Variants in MYCBP2 observed in about 807,000 individuals in gnomAD.
MYCBP2 encodes the protein E3 ubiquitin-protein ligase MYCBP2.
MYCBP2 carries 120 observed loss-of-function variants against 525.3 expected under a neutral mutation model. The observed-to-expected ratio is 0.23, with a 90% CI of 0.20 to 0.27. MYCBP2 has a LOEUF of 0.27. Among genes scored for constraint, MYCBP2 ranks in the 10% least tolerant of loss-of-function variants. MYCBP2 has a pLI of 1.00. For synonymous variants in MYCBP2, 1,894 were observed against 1,955.8 expected (o/e 0.97, Z 0.83); for missense variants, 4,149 against 5,657.1 (o/e 0.73, Z 8.55).
At chr13:77,072,518 T>G (rs2041555725) in intron 68 of MYCBP2, among the ~76,000 whole-genome samples, 1 of 151,924 alleles carries the variant, frequency 6.6e-6, no homozygotes, top group Admixed American at 6.6e-5. Flanking sequence ...GATGAACAAA[T>G]GAATACAAGG....
In MYCBP2 at chr13:77,058,223, T is replaced by C; in HGVS notation, c.13324A>G (p.Ile4442Val). 1.9e-6 allele frequency: 3 copies of C among 1,612,830 alleles called. No individual in the cohort carries two copies. The highest frequency in any genetic ancestry group is 2.5e-6 in the Non-Finnish European group (3 of 1,179,442). Residue 4442 changes from isoleucine to valine, a missense_variant, in exon 78 of 83, where the codon ATT (isoleucine) becomes GTT (valine). Ile to Val is a conservative substitution (Grantham distance 29). Coordinates refer to ENST00000544440, the MANE Select transcript of MYCBP2 (RefSeq NM_015057.5). The surrounding 1 kb of genome is among the most constrained non-coding windows in gnomAD (Gnocchi z 4.1). ...FTEALSAAPA[I>V]QLDCSHIFHL... ...ACTTTAAAAGCTGAGGCAACCTGAA[T>C]GGCTGGTGCTGCCGAGAGCGCTTCG... is the stretch of plus-strand genomic sequence containing the variant.
At chr13:77,082,022 G>C in intron 63 of MYCBP2, 29 bp from the exon 64 acceptor site, 1 of 1,594,132 alleles carries the variant, frequency 6.3e-7, no homozygotes, top group Non-Finnish European at 8.5e-7. Flanking sequence ...AGCAATATAC[G>C]AAATAATTAT....
chr13:77,216,596 T>G (rs1366422038), intron 21 of MYCBP2, among the ~76,000 whole-genome samples: 1 of 152,126 alleles, frequency 6.6e-6, no homozygotes, highest in Non-Finnish European at 1.5e-5. Context: ...ACTTACAGAG[T>G]ATCTTGGCCT....
chr13:77,176,706 T>C, intron 35 of MYCBP2, 78 bp from the exon 36 acceptor site: 6 of 1,122,286 alleles, frequency 5.3e-6, no homozygotes, highest in South Asian at 3.1e-5. Context: ...TTTATAATTA[T>C]TATTTTTAAA....
rs190679477 is a variant in MYCBP2 at position 77,197,845 on chromosome 13, T to C, written c.3844-3601A>G. On this transcript the variant is annotated intron_variant, in intron 26 of 82. Transcript: ENST00000544440. The stretch of plus-strand genomic sequence containing the variant: ...AGGCCTTAGCCCACTCACTGGATAA[T>C]TGAATACAAAAGGCAAGATCATTTC... Among the ~76,000 whole-genome samples, 714 of 152,258 alleles carry C rather than the reference T, an allele frequency of 4.7e-3. 3 individuals carry two copies. Among genetic ancestry groups the C allele is most frequent in the African/African-American group, 0.015 (625 of 41,556 alleles).
At position 77,144,458 on chromosome 13, in the gene MYCBP2, A is replaced by G; in HGVS notation, c.7290T>C (p.Asp2430=). 6.2e-7 allele frequency: 1 copy of G among 1,611,200 alleles called. No homozygotes were observed. The highest frequency in any genetic ancestry group is 1.1e-5 in the South Asian group (1 of 90,982). Residue 2430 remains aspartate, a synonymous_variant, in exon 49 of 83, where the codon GAT becomes GAC. Transcript: ENST00000544440. ...TAAAGAAAATACCGATTTCAATGCC[A>G]TCAATGGTAACATGAAGAGTGTAGA... ...IGLYTLHVTI[D]GIEIDAGLEV...
At chr13:77,140,421 T>C (rs2054429765) in intron 50 of MYCBP2, among the ~76,000 whole-genome samples, 1 of 152,218 alleles carries the variant, frequency 6.6e-6, no homozygotes, top group South Asian at 2.1e-4. Flanking sequence ...ATACTGAAGA[T>C]ACGTGTTAAG....
rs545691878 is a variant in MYCBP2, at chr13:77,172,761, A to G, written c.5652-1127T>C. On this transcript the variant is annotated intron_variant, in intron 37 of 82. Transcript: ENST00000544440. ...GAAGGGAGATGAATATTCTAGCCACATGAAACCTCAGATGTCTACTAGCCA... is the reference window on the plus strand; with the variant it reads ...GAAGGGAGATGAATATTCTAGCCACGTGAAACCTCAGATGTCTACTAGCCA... Among the ~76,000 whole-genome samples, 4 of 152,358 alleles carry G rather than the reference A, an allele frequency of 2.6e-5. No individual in the cohort carries two copies. The South Asian group carries it at 8.3e-4, about 32-fold the overall frequency.
chr13:77,217,990 C>A, intron 20 of MYCBP2, 33 bp from the exon 21 acceptor site: 2 of 1,407,966 alleles, frequency 1.4e-6, no homozygotes, highest in South Asian at 1.3e-5. Flanking sequence ...AAGTCAATTT[C>A]TTACAAAACT....
chr13:77,150,932 G>A lies in MYCBP2; in HGVS notation c.6933C>T (p.Val2311=). The change falls in exon 47 of 83, where the codon GTC becomes GTT. Residue 2311 remains valine, a synonymous_variant. Transcript: ENST00000544440. ...AAGACATTTTTTTCTGAGAAACAGG[G>A]ACAGCTTTCACTTCCACCTAAACAT... ...VPNMKVEVKA[V]PVSQKKMSLQ... is the part of the protein sequence containing the mutation. 1 of 1,613,886 alleles carries A rather than the reference G, an allele frequency of 6.2e-7. No individual in the cohort carries two copies. Among genetic ancestry groups the A allele is most frequent in the Middle Eastern group, 1.6e-4 (1 of 6,062 alleles).
chr13:77,064,510 A>T, intron 73 of MYCBP2, 105 bp downstream of exon 73: 1 of 1,266,802 alleles, frequency 7.9e-7, no homozygotes, highest in Non-Finnish European at 1.1e-6. Context: ...TTAAAAAATA[A>T]TTATGTTGAC....
At chr13:77,235,291 C>G (rs2067744367) in intron 17 of MYCBP2, among the ~76,000 whole-genome samples, 1 of 151,888 alleles carries the variant, frequency 6.6e-6, no homozygotes, top group African/African-American at 2.4e-5. Context: ...ACTAAATAAA[C>G]TCAGGACAAT....
intron 65 of MYCBP2, chr13:77,080,615 T>C (rs1007818822): frequency 3.3e-5 from 5 of 152,148 alleles, no homozygotes; most frequent in African/African-American, 9.7e-5. Flanking sequence ...CTGAAACTTA[T>C]TTTTTATTTC....
intron 40 of MYCBP2, 143 bp from the exon 41 acceptor site, chr13:77,166,697 T>G (rs2058555279): frequency 1.0e-5 from 5 of 480,954 alleles, no homozygotes; most frequent in Admixed American, 3.8e-5. Context: ...GAATAAAATG[T>G]TACCTATGAC....
intron 26 of MYCBP2, among the ~76,000 whole-genome samples, chr13:77,202,319 A>G (rs1389483834): frequency 6.6e-6 from 1 of 152,244 alleles, no homozygotes; most frequent in Non-Finnish European, 1.5e-5. Context: ...TCCTGGACAC[A>G]TACACTCTCC....
intron 23 of MYCBP2, among the ~76,000 whole-genome samples, chr13:77,207,555 C>G (rs2063491802): frequency 6.6e-6 from 1 of 152,092 alleles, no homozygotes; most frequent in Non-Finnish European, 1.5e-5. Flanking sequence ...CACTAAACAC[C>G]ACTGACTGCA....
intron 82 of MYCBP2, among the ~76,000 whole-genome samples, chr13:77,047,139 C>T (rs2035733564): frequency 6.6e-6 from 1 of 152,148 alleles, no homozygotes; most frequent in African/African-American, 2.4e-5. Flanking sequence ...GTTCACAATC[C>T]AACATGGTGG....
intron 78 of MYCBP2, 36 bp from the exon 79 acceptor site, chr13:77,057,129 T>C: frequency 7.1e-7 from 1 of 1,411,342 alleles, no homozygotes; most frequent in Non-Finnish European, 1.0e-6. Context: ...TAAGCAAATA[T>C]AATAATGATA....
chr13:77,242,581 A>G (rs1232835371), intron 17 of MYCBP2, among the ~76,000 whole-genome samples: 1 of 152,248 alleles, frequency 6.6e-6, no homozygotes, highest in Non-Finnish European at 1.5e-5. Context: ...AAGCATAGTT[A>G]TGTGCTGAAC....
Sources: gnomAD v4.1 joint callset for allele counts (sites outside exome capture counted in the v4.1 genomes callset) on GRCh38, gnomAD v4.1.1 for gene constraint, Gnocchi (gnomAD v3.1) non-coding constraint, MANE v1.5 for transcripts, NCBI Gene and HGNC (gene_info 2026-07-23, HGNC 2026-07-21) for gene names.